Variants in LDLRAD4 observed in about 807,000 individuals in gnomAD.
LDLRAD4 encodes low density lipoprotein receptor class A domain containing 4, also known as low-density lipoprotein receptor class A domain-containing protein 4.
LDLRAD4 carries 5 observed loss-of-function variants against 17.0 expected under a neutral mutation model. The ratio of observed to expected loss-of-function variants is 0.29; its 90% CI spans 0.15 to 0.62. The LOEUF (loss-of-function observed/expected upper bound fraction) is 0.62. LDLRAD4 is among the 20% of genes least tolerant of loss of function. The pLI, the probability that LDLRAD4 is intolerant of heterozygous loss-of-function variation, is 0.84. For missense variants in LDLRAD4, 340 were observed against 424.7 expected, an observed-to-expected ratio of 0.80 and a Z score of 1.75; for synonymous variants, 168 against 171.8, an observed-to-expected ratio of 0.98 and a Z score of 0.17.
At chr18:13,612,560 A>G in intron 3 of LDLRAD4, 1 of 1,384,126 alleles carries the variant, frequency 7.2e-7, no homozygotes, top group African/African-American at 1.5e-5. Context: ...CCCCCCCTCC[A>G]CGCTCACACA....
At chr18:13,641,451 TAGAC>T (rs201913914) in intron 4 of LDLRAD4, among the ~76,000 whole-genome samples, 2 of 152,260 alleles carry the variant, frequency 1.3e-5, no homozygotes, top group East Asian at 3.9e-4. Context: ...AGAAACAGAT[TAGAC>T]AGAGATAGAT....
chr18:13,527,978 G>A (rs1305947385), intron 3 of LDLRAD4, among the ~76,000 whole-genome samples: 4 of 152,128 alleles, frequency 2.6e-5, no homozygotes, highest in African/African-American at 7.2e-5. Context: ...TTTCTCTGTC[G>A]GCTCCTGCCC....
intron 3 of LDLRAD4, among the ~76,000 whole-genome samples, chr18:13,571,466 C>T (rs1283931978): frequency 6.6e-6 from 1 of 152,196 alleles, no homozygotes; most frequent in Admixed American, 6.5e-5. Context: ...ACACTACTGC[C>T]TCTGGTAACC....
chr18:13,641,712 C>T (rs1211531797), intron 4 of LDLRAD4: 6 of 978,234 alleles, frequency 6.1e-6, no homozygotes, highest in Non-Finnish European at 7.3e-6. Flanking sequence ...GGCCGCCAGT[C>T]GGCGTGGGGT....
intron 3 of LDLRAD4, chr18:13,612,042 C>G (rs948370889): frequency 2.7e-5 from 27 of 985,414 alleles, no homozygotes; most frequent in Non-Finnish European, 3.3e-5. Context: ...GTGAGCGTCC[C>G]GCCTGTCGCG....
Position 13,628,428 on chromosome 18 carries a change from G to A in LDLRAD4, c.336+7157G>A, listed in dbSNP as rs117638555. Among the ~76,000 whole-genome samples the A allele has an allele frequency of 4.5e-3, 680 of 152,304 alleles. 13 individuals are homozygous for A. The highest frequency in any genetic ancestry group is 0.044 in the East Asian group (229 of 5,182). ...GTCGGTTGTCCAGTGACAGCTCTCC[G>A]TTACTGCATTTCACGGAAACTGCAT... On this transcript the variant is annotated intron_variant, in intron 4 of 5. Transcript: ENST00000359446.
Position 13,398,605 on chromosome 18 carries a change from C to T in LDLRAD4, c.40+10843C>T, listed in dbSNP as rs1439276627. 6.6e-6 allele frequency among the ~76,000 whole-genome samples: 1 copy of T among 152,070 alleles called. No homozygotes were observed. The highest frequency in any genetic ancestry group is 1.5e-5 in the Non-Finnish European group (1 of 67,996). ...GAGGGTCTCAGTTTTGGCTTAAGGACAGGTTTCGAAGGAGATGGGCGGCCC... is the reference window on the plus strand; with the variant it reads ...GAGGGTCTCAGTTTTGGCTTAAGGATAGGTTTCGAAGGAGATGGGCGGCCC... On this transcript the variant is annotated intron_variant, in intron 2 of 5. Coordinates refer to ENST00000359446, the Ensembl canonical transcript of LDLRAD4. The surrounding 1 kb of genome is among the most constrained non-coding windows in gnomAD (Gnocchi z 4.8).
intron 3 of LDLRAD4, among the ~76,000 whole-genome samples, chr18:13,467,375 T>A (rs1234551898): frequency 6.6e-6 from 1 of 152,214 alleles, no homozygotes; most frequent in Non-Finnish European, 1.5e-5. Flanking sequence ...AAAAGGAAAT[T>A]AACAAAGTCA....
chr18:13,233,359 G>T (rs2145549949), intron 1 of LDLRAD4, among the ~76,000 whole-genome samples: 1 of 152,326 alleles, frequency 6.6e-6, no homozygotes, highest in African/African-American at 2.4e-5. Flanking sequence ...GGTTGGCAAG[G>T]TTGGCAGAGG....
chr18:13,449,920 C>A (rs1470654310), intron 3 of LDLRAD4, among the ~76,000 whole-genome samples: 1 of 152,108 alleles, frequency 6.6e-6, no homozygotes, highest in Non-Finnish European at 1.5e-5. Flanking sequence ...GGGGTGGTGG[C>A]TGAGCCAATC....
At chr18:13,391,399 C>G (rs1452597836) in intron 2 of LDLRAD4, among the ~76,000 whole-genome samples, 1 of 152,128 alleles carries the variant, frequency 6.6e-6, no homozygotes, top group Non-Finnish European at 1.5e-5. Flanking sequence ...GCCCCTGTCC[C>G]CATGCCACGT....
chr18:13,386,275 C>T (rs1217142911), intron 1 of LDLRAD4, among the ~76,000 whole-genome samples: 1 of 152,090 alleles, frequency 6.6e-6, no homozygotes, highest in Non-Finnish European at 1.5e-5. Flanking sequence ...AAAGTCTGAT[C>T]CTTTGGGCTT....
At chr18:13,517,884 G>C (rs560525160) in intron 3 of LDLRAD4, among the ~76,000 whole-genome samples, 1 of 152,176 alleles carries the variant, frequency 6.6e-6, no homozygotes, top group Admixed American at 6.5e-5. Context: ...GACTACAGGC[G>C]CCCGCCACCA....
intron 2 of LDLRAD4, among the ~76,000 whole-genome samples, chr18:13,413,691 C>T (rs2088588044): frequency 6.6e-6 from 1 of 152,210 alleles, no homozygotes; most frequent in South Asian, 2.1e-4. Context: ...CCAGTGTTTG[C>T]AGTGACCTAA....
chr18:13,586,730 A>C (rs2094940596), intron 3 of LDLRAD4, among the ~76,000 whole-genome samples: 1 of 152,022 alleles, frequency 6.6e-6, no homozygotes, highest in African/African-American at 2.4e-5. Context: ...CTCTACAAAA[A>C]TACAAAAATT....
At chr18:13,264,468 A>T (rs1252458513) in intron 1 of LDLRAD4, among the ~76,000 whole-genome samples, 1 of 152,282 alleles carries the variant, frequency 6.6e-6, no homozygotes. Flanking sequence ...ACCATCATTC[A>T]ATTCCACAGT....
At chr18:13,546,353 G>A (rs2094362874) in intron 3 of LDLRAD4, among the ~76,000 whole-genome samples, 2 of 150,890 alleles carry the variant, frequency 1.3e-5, no homozygotes, top group Middle Eastern at 3.4e-3. Context: ...AAAGATTGAA[G>A]ATGGCCTCCC....
intron 1 of LDLRAD4, among the ~76,000 whole-genome samples, chr18:13,365,806 C>G (rs2084014164): frequency 6.6e-6 from 1 of 152,244 alleles, no homozygotes; most frequent in Non-Finnish European, 1.5e-5. Flanking sequence ...CAGAGTCTCA[C>G]CCTGTTGCCC....
chr18:13,494,727 T>TA (rs2093430507), intron 3 of LDLRAD4, among the ~76,000 whole-genome samples: 8 of 138,982 alleles, frequency 5.8e-5, no homozygotes, highest in African/African-American at 2.2e-4. Context: ...CACATACACA[T>TA]TGAATAAATG....
Sources: gnomAD v4.1 joint callset for allele counts (sites outside exome capture counted in the v4.1 genomes callset) on GRCh38, gnomAD v4.1.1 for gene constraint, Gnocchi (gnomAD v3.1) non-coding constraint, MANE v1.5 for transcripts, NCBI Gene and HGNC (gene_info 2026-07-23, HGNC 2026-07-21) for gene names.